BNC2: variants seen among roughly 807,000 people sequenced by gnomAD.
BNC2 encodes the protein basonuclin zinc finger protein 2, also known as zinc finger protein basonuclin-2.
A neutral mutation model predicts 76.3 loss-of-function variants in BNC2; 20 were observed. That is an observed-to-expected ratio of 0.26 (90% CI 0.18 to 0.38). BNC2 has a LOEUF of 0.38. Ranked by LOEUF, BNC2 falls within the 10% of genes least tolerant of loss-of-function variation. The pLI is 1.00. For missense variants in BNC2, 1,382 were observed against 1,399.8 expected (o/e 0.99, Z 0.20); for synonymous variants, 582 against 514.8 (o/e 1.13, Z -1.77).
chr9:16,461,397 G>T (rs1285756183), intron 5 of BNC2, among the ~76,000 whole-genome samples: 1 of 152,132 alleles, frequency 6.6e-6, no homozygotes, highest in Non-Finnish European at 1.5e-5. Flanking sequence ...GAACAGAGAA[G>T]CCACTTGAAT....
intron 5 of BNC2, among the ~76,000 whole-genome samples, chr9:16,518,090 C>T (rs577108040): frequency 3.0e-3 from 464 of 152,208 alleles, no homozygotes; most frequent in Non-Finnish European, 5.5e-3. Context: ...ATATATACTT[C>T]GGTGTAGCTT....
intron 3 of BNC2, among the ~76,000 whole-genome samples, chr9:16,649,634 C>T (rs1821736667): frequency 1.3e-5 from 2 of 152,120 alleles, no homozygotes; most frequent in Admixed American, 1.3e-4. Flanking sequence ...CTACAGGCCT[C>T]TGTTTCTTTT....
In BNC2 at chr9:16,766,611, T is replaced by A. The variant is rs563705588; in HGVS notation, c.4-28126A>T. On this transcript the variant is annotated intron_variant, in intron 1 of 6. Transcript: ENST00000380672. ...GGTACTACCTTCCATGCAAAATAAT[T>A]TCATGTGTTTGAAAACAGTGATTAA... Among the ~76,000 whole-genome samples, 77 of 152,316 alleles carry A rather than the reference T, an allele frequency of 5.1e-4. 1 individual carries two copies. Among genetic ancestry groups the A allele is most frequent in the Admixed American group, 1.8e-3 (27 of 15,300 alleles).
chr9:16,603,274 TA>T (rs1820292907), intron 3 of BNC2, among the ~76,000 whole-genome samples: 1 of 152,232 alleles, frequency 6.6e-6, no homozygotes, highest in Non-Finnish European at 1.5e-5. Context: ...GTTACAGAGC[TA>T]AAATCAAAAT....
At chr9:16,616,224 A>T (rs1268521485) in intron 3 of BNC2, among the ~76,000 whole-genome samples, 1 of 152,034 alleles carries the variant, frequency 6.6e-6, no homozygotes, top group Non-Finnish European at 1.5e-5. Context: ...CTGTCTCTAC[A>T]TAATAAAAAA....
chr9:16,472,033 C>T (rs893429109), intron 5 of BNC2, among the ~76,000 whole-genome samples: 2 of 152,154 alleles, frequency 1.3e-5, no homozygotes, highest in Non-Finnish European at 2.9e-5. Flanking sequence ...ATTCTGAGGC[C>T]TTCCCAGTCA....
intron 5 of BNC2, chr9:16,476,276 T>C (rs1170041289): frequency 6.6e-6 from 1 of 152,138 alleles, no homozygotes; most frequent in East Asian, 1.9e-4. Context: ...CTGGAAGAAG[T>C]ATTAAAAACA....
intron 5 of BNC2, among the ~76,000 whole-genome samples, chr9:16,453,235 T>C (rs1184729604): frequency 6.6e-6 from 1 of 152,300 alleles, no homozygotes; most frequent in East Asian, 1.9e-4. Context: ...TCAAACCCAC[T>C]TAAGAGATGG....
At chr9:16,744,804 A>T (rs2135204721) in intron 1 of BNC2, among the ~76,000 whole-genome samples, 1 of 152,320 alleles carries the variant, frequency 6.6e-6, no homozygotes, top group African/African-American at 2.4e-5. Flanking sequence ...TTATCAGAAA[A>T]ACTGTGTAAA....
intron 3 of BNC2, among the ~76,000 whole-genome samples, chr9:16,670,589 G>A (rs920839914): frequency 6.6e-6 from 1 of 152,182 alleles, no homozygotes; most frequent in Non-Finnish European, 1.5e-5. Flanking sequence ...TAAAGCAGTA[G>A]ACTTGTGTTA....
chr9:16,840,264 G>A (rs569131868), intron 1 of BNC2, among the ~76,000 whole-genome samples: 2 of 152,224 alleles, frequency 1.3e-5, no homozygotes, highest in South Asian at 2.1e-4. Flanking sequence ...TCTGTGTCCT[G>A]ATCATTTAAC....
At chr9:16,554,737 C>T (rs528719769) in intron 4 of BNC2, among the ~76,000 whole-genome samples, 1 of 152,012 alleles carries the variant, frequency 6.6e-6, no homozygotes, top group African/African-American at 2.4e-5. Context: ...GTGACCAGAT[C>T]GGGGGCGATC....
At chr9:16,628,688 G>A (rs1191112483) in intron 3 of BNC2, among the ~76,000 whole-genome samples, 1 of 152,022 alleles carries the variant, frequency 6.6e-6, no homozygotes, top group African/African-American at 2.4e-5. Flanking sequence ...AAAGTTCTAT[G>A]ATTTTAAACT....
At chr9:16,507,395 G>A (rs12348926) in intron 5 of BNC2, among the ~76,000 whole-genome samples, 4 of 151,990 alleles carry the variant, frequency 2.6e-5, no homozygotes, top group Middle Eastern at 6.8e-3. Flanking sequence ...AAGTAGCTGA[G>A]GCTACAGGCG....
intron 3 of BNC2, among the ~76,000 whole-genome samples, chr9:16,629,026 G>A (rs950359): frequency 0.059 from 9,023 of 152,174 alleles, 513 homozygotes; most frequent in East Asian, 0.33. Flanking sequence ...AATACCTACC[G>A]TTGTCATTCT....
At chr9:16,668,681 G>A (rs1822377764) in intron 3 of BNC2, among the ~76,000 whole-genome samples, 1 of 152,184 alleles carries the variant, frequency 6.6e-6, no homozygotes, top group African/African-American at 2.4e-5. Flanking sequence ...ATCCACAGAT[G>A]TATAATTTGG....
intron 3 of BNC2, among the ~76,000 whole-genome samples, chr9:16,718,267 T>C (rs1245279921): frequency 6.6e-6 from 1 of 152,204 alleles, no homozygotes; most frequent in Non-Finnish European, 1.5e-5. Flanking sequence ...GCTTTCCGGC[T>C]GCCCGGCTGG....
rs1563920108 is a variant in BNC2, at chr9:16,735,395, TTAA to T, written c.129+2962_129+2964del. ...CAGTGATGGCTTTACTTAAATGAATTTAAAAAAAAAAAAAAAAAAAAACAGGCT... is the reference window on the plus strand; with the variant it reads ...CAGTGATGGCTTTACTTAAATGAATTAAAAAAAAAAAAAAAAAAACAGGCT... On this transcript the variant is annotated intron_variant, in intron 2 of 6. Coordinates refer to ENST00000380672, the MANE Select transcript of BNC2 (RefSeq NM_017637.6). Among the ~76,000 whole-genome samples the T allele has an allele frequency of 4.5e-3, 18 of 3,972 alleles. No homozygotes were observed. The East Asian group carries it at 0.13, about 28-fold the overall frequency. The allele number at this position is 3,972 out of a possible 152,430, so 2.6% of individuals were successfully genotyped here. A position where few individuals can be genotyped will look rare whatever the true frequency, so the allele number is the denominator to read the frequency against.
chr9:16,704,988 A>C (rs1823624106), intron 3 of BNC2: 1 of 152,186 alleles, frequency 6.6e-6, no homozygotes, highest in Admixed American at 6.6e-5. Flanking sequence ...TCAGCTGTTA[A>C]TTGTCCAGAC....
Sources: allele counts gnomAD v4.1 joint callset (sites outside exome capture counted in the v4.1 genomes callset), GRCh38; gene constraint gnomAD v4.1.1; transcripts MANE v1.5; gene names NCBI Gene and HGNC (gene_info 2026-07-23, HGNC 2026-07-21).